The following SLC26A1 variants were observed in gnomAD, a reference collection of about 807,000 sequenced individuals.
SLC26A1 encodes sulfate anion transporter 1.
In SLC26A1, 18 loss-of-function variants were observed where a neutral mutation model predicts 14.5. The observed-to-expected ratio is 1.24, with a 90% CI of 0.86 to 1.84. The LOEUF is 1.84. Among genes scored for constraint, SLC26A1 ranks in the 40% most tolerant of loss-of-function variants. The pLI, the probability that SLC26A1 is intolerant of heterozygous loss-of-function variation, is 0.00. For synonymous variants in SLC26A1, 505 were observed against 492.0 expected (o/e 1.03, Z -0.35); for missense variants, 1,049 against 1,020.0 (o/e 1.03, Z -0.39).
At chr4:983,965 C>T (rs1713624305), downstream of SLC26A1, among the ~76,000 whole-genome samples, 1 of 152,200 alleles carries the variant, frequency 6.6e-6, no homozygotes, top group South Asian at 2.1e-4. Flanking sequence ...GCTGGGATTA[C>T]AGACGCATGC....
rs540887548 is a variant in SLC26A1 at position 988,532 on chromosome 4, C to A, written c.*301G>T. On this transcript the variant is annotated 3_prime_UTR_variant, in exon 3 of 3. Transcript: ENST00000398516. Reference sequence around the variant, plus strand: ...ACCCTTGTTCAAATAAGATGTCAACCCTGAGCGTCAGGTCAGGCCCATCCC... The same window carrying A: ...ACCCTTGTTCAAATAAGATGTCAACACTGAGCGTCAGGTCAGGCCCATCCC... The A allele has an allele frequency of 2.5e-6, 3 of 1,220,960 alleles. No individual in the cohort carries two copies. In the East Asian group the frequency reaches 1.1e-4, roughly 46 times the overall value. 75.6% of individuals were successfully genotyped at this position (1,220,960 alleles called of 1,614,324 possible).
chr4:988,024 G>C lies in SLC26A1; in HGVS notation c.*809C>G. The C allele has an allele frequency of 6.7e-7, 1 of 1,499,412 alleles. No individual in the cohort carries two copies. Among genetic ancestry groups the C allele is most frequent in the East Asian group, 2.5e-5 (1 of 40,266 alleles). 92.9% of individuals were successfully genotyped at this position (1,499,412 alleles called of 1,614,324 possible). On this transcript the variant is annotated 3_prime_UTR_variant, in exon 3 of 3. Transcript: ENST00000398516. The stretch of plus-strand genomic sequence containing the variant: ...AGATGGGAGGGGAGGGCTGGGGGCT[G>C]CTCGGAAGACCCCTTGTTCCCCCAC...
Position 987,948 on chromosome 4 carries a change from A to AGGTGGGC in SLC26A1, c.*878_*884dup. The AGGTGGGC allele has an allele frequency of 7.6e-6, 12 of 1,574,616 alleles. No homozygotes were observed. Among genetic ancestry groups the AGGTGGGC allele is most frequent in the Non-Finnish European group, 9.5e-6 (11 of 1,160,212 alleles). On this transcript the variant is annotated 3_prime_UTR_variant, in exon 3 of 3. Coordinates refer to ENST00000398516, the MANE Select transcript of SLC26A1 (RefSeq NM_022042.4). ...CTGGCTGCTGGAGCTTGTCACCACC[A>AGGTGGGC]GGTGGGCGGCGGGCAGGGTCTGGGC...
At chr4:992,868 G>A (rs1714480776) in intron 1 of SLC26A1, 1 of 152,254 alleles carries the variant, frequency 6.6e-6, no homozygotes, top group Admixed American at 6.5e-5. Flanking sequence ...GTTAGGCAAA[G>A]ACTTTGCTCC....
At position 988,112 on chromosome 4, in the gene SLC26A1, G is replaced by T. The variant is rs1713891602; in HGVS notation, c.*721C>A. 4 of 1,422,264 alleles carry T rather than the reference G, an allele frequency of 2.8e-6. No individual in the cohort carries two copies. In the East Asian group the frequency reaches 1.0e-4, roughly 36 times the overall value. The allele number at this position is 1,422,264 out of a possible 1,614,324, so 88.1% of individuals were successfully genotyped here. ...TGCTGGCTGTGCTGGGGTGAGGGCT[G>T]TGTGCTGGAGGGAGCCCCTGCATGG... On this transcript the variant is annotated 3_prime_UTR_variant, in exon 3 of 3. Transcript: ENST00000398516.
Position 987,974 on chromosome 4 carries a change from G to T in SLC26A1, c.*859C>A. ...GGTGGGCGGCGGGCAGGGTCTGGGC[G>T]TCCCAGAGCCCCTTACAGAGGCACA... On this transcript the variant is annotated 3_prime_UTR_variant, in exon 3 of 3. Coordinates refer to ENST00000398516, the MANE Select transcript of SLC26A1 (RefSeq NM_022042.4). The T allele has an allele frequency of 6.5e-7, 1 of 1,550,280 alleles. No individual in the cohort carries two copies. Among genetic ancestry groups the T allele is most frequent in the Non-Finnish European group, 8.7e-7 (1 of 1,146,454 alleles).
chr4:989,391 G>C lies in SLC26A1; in HGVS notation c.1548C>G (p.Ile516Met), dbSNP rs745322519. 1 of 1,569,738 alleles carries C rather than the reference G, an allele frequency of 6.4e-7. No homozygotes were observed. Among genetic ancestry groups the C allele is most frequent in the Non-Finnish European group, 8.6e-7 (1 of 1,157,900 alleles). The change falls in exon 3 of 3, where the codon ATC becomes ATG. Residue 516 changes from isoleucine (I) to methionine (M), a missense_variant. Coordinates refer to ENST00000398516, the MANE Select transcript of SLC26A1 (RefSeq NM_022042.4). ...CATCCTCGTAGAAGGCCGTGTCCCC[G>C]ATGCGGGCCAGCAGGGCGGTGCGTG... Reference protein sequence around the residue: ...QRPRTALLARIGDTAFYEDAT... With the variant: ...QRPRTALLARMGDTAFYEDAT...
chr4:986,324 T>G (rs1713726582), downstream of SLC26A1, among the ~76,000 whole-genome samples: 1 of 152,166 alleles, frequency 6.6e-6, no homozygotes, highest in Non-Finnish European at 1.5e-5. Flanking sequence ...CTCGGGGTAT[T>G]GGTTCCAGGA....
Position 988,815 on chromosome 4 carries a change from T to C in SLC26A1, c.*18A>G. The stretch of plus-strand genomic sequence containing the variant: ...GTCCCCAGGAGGGAGCAGAGGCTGC[T>C]GGGCAGGCCTGGCCCTGCTACAGAT... On this transcript the variant is annotated 3_prime_UTR_variant, in exon 3 of 3. Coordinates refer to ENST00000398516, the MANE Select transcript of SLC26A1 (RefSeq NM_022042.4). 6.5e-7 allele frequency: 1 copy of C among 1,548,930 alleles called. No homozygotes were observed. Among genetic ancestry groups the C allele is most frequent in the Non-Finnish European group, 8.7e-7 (1 of 1,147,534 alleles).
downstream of SLC26A1, among the ~76,000 whole-genome samples, chr4:983,901 T>C (rs1713621825): frequency 6.6e-6 from 1 of 152,240 alleles, no homozygotes; most frequent in Admixed American, 6.5e-5. Flanking sequence ...CTTGGTTCAC[T>C]GCAGCCTCTG....
Position 989,517 on chromosome 4 carries a change from C to G in SLC26A1, c.1422G>C (p.Trp474Cys). ...GCATACAGGTGGCCGCGGTGCCTGC[C>G]CAGACCAGCGCGTCAGCCGGGCTCA... ...WRMSPADALV[W>C]AGTAATCMLV... The change falls in exon 3 of 3, where the codon TGG becomes TGC. Residue 474 changes from tryptophan (W) to cysteine (C), a missense_variant. Physicochemically the swap from Trp to Cys is radical, Grantham distance 215 (BLOSUM62 -2). Coordinates refer to ENST00000398516, the MANE Select transcript of SLC26A1 (RefSeq NM_022042.4). The G allele has an allele frequency of 6.4e-7, 1 of 1,554,508 alleles. No homozygotes were observed. The highest frequency in any genetic ancestry group is 8.7e-7 in the Non-Finnish European group (1 of 1,149,768).
Position 989,564 on chromosome 4 carries a change from C to T in SLC26A1, c.1375G>A (p.Asp459Asn), listed in dbSNP as rs1434315703. ...CTCATCCGCCACAGCCGCGGGAGGT[C>T]CCACACCTTGCGCAGGGCCCCCCGC... is the stretch of plus-strand genomic sequence containing the variant. ...SLRGALRKVW[D>N]LPRLWRMSPA... Residue 459 changes from aspartate (D) to asparagine (N), a missense_variant, in exon 3 of 3, where the codon GAC becomes AAC. Transcript: ENST00000398516. 1.9e-6 allele frequency: 3 copies of T among 1,588,338 alleles called. No homozygotes were observed. The highest frequency in any genetic ancestry group is 2.6e-6 in the Non-Finnish European group (3 of 1,169,154).
chr4:987,103 C>G (rs758122214), downstream of SLC26A1: 1 of 1,458,204 alleles, frequency 6.9e-7, no homozygotes, highest in Admixed American at 2.4e-5. Context: ...CCTGCGCCCC[C>G]GCGCCGCGCT....
In SLC26A1 at chr4:990,173, C is replaced by T. The variant is rs751905449; in HGVS notation, c.766G>A (p.Ala256Thr). 26 of 1,559,962 alleles carry T rather than the reference C, an allele frequency of 1.7e-5. No homozygotes were observed. In the Middle Eastern group the frequency reaches 5.0e-4, roughly 30 times the overall value. Residue 256 changes from alanine to threonine, a missense_variant, in exon 3 of 3, where the codon GCC becomes ACC. Physicochemically the swap from Ala to Thr is moderately conservative, Grantham distance 58. Transcript: ENST00000398516. ...ACGTCGCACACGTTGGCCTGCCCGG[C>T]GCCGCGCAGCAGGCTCAGCCATGTG... Reference protein sequence around the residue: ...VLTWLSLLRGAGQANVCDVVT... With the variant: ...VLTWLSLLRGTGQANVCDVVT...
chr4:988,455 C>T lies in SLC26A1; in HGVS notation c.*378G>A. 1 of 1,095,806 alleles carries T rather than the reference C, an allele frequency of 9.1e-7. No homozygotes were observed. Among genetic ancestry groups the T allele is most frequent in the Non-Finnish European group, 1.1e-6 (1 of 899,384 alleles). 67.9% of individuals were successfully genotyped at this position (1,095,806 alleles called of 1,614,324 possible). On this transcript the variant is annotated 3_prime_UTR_variant, in exon 3 of 3. Coordinates refer to ENST00000398516, the MANE Select transcript of SLC26A1 (RefSeq NM_022042.4). The stretch of plus-strand genomic sequence containing the variant: ...ACCAGCAGGGTGGGCACCGGGCAGG[C>T]CTGGGCATAGGGAGTCCTCTTGGCA...
At chr4:987,109 G>C, downstream of SLC26A1, 1 of 1,445,170 alleles carries the variant, frequency 6.9e-7, no homozygotes, top group Non-Finnish European at 9.1e-7. Flanking sequence ...CCCCCGCGCC[G>C]CGCTGCTGGC....
chr4:980,728 T>C (rs1713514319), intron 2 of SLC26A1, among the ~76,000 whole-genome samples: 1 of 151,680 alleles, frequency 6.6e-6, no homozygotes, highest in Non-Finnish European at 1.5e-5. Context: ...GAAGGAAGGA[T>C]TACGCTGCAG....
At chr4:984,401 TTG>T (rs1277523177), downstream of SLC26A1, among the ~76,000 whole-genome samples, 1 of 152,266 alleles carries the variant, frequency 6.6e-6, no homozygotes, top group African/African-American at 2.4e-5. Context: ...TCTAAATTTA[TTG>T]TTTTGCTTTA....
At position 990,050 on chromosome 4, in the gene SLC26A1, G is replaced by A; in HGVS notation, c.889C>T (p.Leu297=). 6.2e-7 allele frequency: 1 copy of A among 1,601,152 alleles called. No homozygotes were observed. Among genetic ancestry groups the A allele is most frequent in the Non-Finnish European group, 8.5e-7 (1 of 1,175,860 alleles). ...ACGAGTGTGGCCACCACGATGACCA[G>A]CAGCTCCGTGGGCAGCGGCACCCTC... is the stretch of plus-strand genomic sequence containing the variant. ...RLRVPLPTEL[L]VIVVATLVSH... Residue 297 remains leucine (L), a synonymous_variant, in exon 3 of 3, where the codon CTG becomes TTG. Coordinates refer to ENST00000398516, the MANE Select transcript of SLC26A1 (RefSeq NM_022042.4).
Sources: allele counts gnomAD v4.1 joint callset (sites outside exome capture counted in the v4.1 genomes callset), GRCh38; gene constraint gnomAD v4.1.1; transcripts MANE v1.5; gene names NCBI Gene and HGNC (gene_info 2026-07-23, HGNC 2026-07-21).